WDR12: variants seen among roughly 807,000 people sequenced by gnomAD.
WDR12 encodes the protein WD repeat domain 12, also known as ribosome biogenesis protein WDR12.
Under a neutral mutation model 64.3 loss-of-function variants are expected in WDR12, and 42 were observed. The ratio of observed to expected loss-of-function variants is 0.65; its 90% CI spans 0.51 to 0.84. The LOEUF is 0.84. Ranked by LOEUF, WDR12 falls within the 40% of genes least tolerant of loss-of-function variation. WDR12 has a pLI of 0.00. For missense variants in WDR12, 469 were observed against 494.6 expected (o/e 0.95, Z 0.49); for synonymous variants, 158 against 173.3 (o/e 0.91, Z 0.70).
chr2:202,892,401 T>C (rs925360924), intron 8 of WDR12, among the ~76,000 whole-genome samples: 4 of 152,230 alleles, frequency 2.6e-5, no homozygotes, highest in Admixed American at 6.5e-5. Context: ...ACCATAAGCC[T>C]GGCTCAATGC....
chr2:202,896,335 G>A, intron 5 of WDR12, 116 bp from the exon 6 acceptor site: 1 of 1,176,828 alleles, frequency 8.5e-7, no homozygotes, highest in South Asian at 1.7e-5. Flanking sequence ...ATGTTAAAAA[G>A]ATAACTCATA....
At chr2:202,893,719 G>A (rs949780456) in intron 7 of WDR12, among the ~76,000 whole-genome samples, 6 of 152,226 alleles carry the variant, frequency 3.9e-5, no homozygotes, top group Non-Finnish European at 5.9e-5. Flanking sequence ...GTCTTAAAAT[G>A]TAAGTATCTA....
In WDR12 at chr2:202,896,155, A is replaced by G. The variant is rs1250451878; in HGVS notation, c.519T>C (p.Asn173=). 1.9e-6 allele frequency: 3 copies of G among 1,614,122 alleles called. No individual in the cohort carries two copies. In the Admixed American group the frequency reaches 5.0e-5, roughly 27 times the overall value. ...GGGCTTTCACTTTGTTTCTCTCTACATTCCACTCCCATAAGAGAATAGTCT... is the reference window on the plus strand; with the variant it reads ...GGGCTTTCACTTTGTTTCTCTCTACGTTCCACTCCCATAAGAGAATAGTCT... ...MDQTILLWEW[N]VERNKVKALH... is the part of the protein sequence containing the mutation. Residue 173 remains asparagine (N), a synonymous_variant, in exon 6 of 13, where the codon AAT becomes AAC. Coordinates refer to ENST00000261015, the MANE Select transcript of WDR12 (RefSeq NM_018256.4).
At chr2:202,887,759 G>C (rs1489251242) in intron 8 of WDR12, among the ~76,000 whole-genome samples, 11 of 151,114 alleles carry the variant, frequency 7.3e-5, no homozygotes, top group Admixed American at 5.3e-4. Context: ...GCGGTGGCGG[G>C]CGCCTGTAGT....
At chr2:202,886,767 C>CAAAAAA (rs60735682) in intron 8 of WDR12, among the ~76,000 whole-genome samples, 1 of 79,046 alleles carries the variant, frequency 1.3e-5, no homozygotes, top group African/African-American at 5.7e-5. Context: ...AACTCCATCT[C>CAAAAAA]AAAAAAAAAA....
intron 5 of WDR12, among the ~76,000 whole-genome samples, chr2:202,896,854 G>A (rs1052512436): frequency 2.0e-5 from 3 of 152,084 alleles, no homozygotes; most frequent in African/African-American, 7.2e-5. Context: ...AGGCGTGATG[G>A]TAGGTGCCTG....
intron 5 of WDR12, 82 bp from the exon 6 acceptor site, chr2:202,896,301 AT>A (rs1559161714): frequency 3.5e-6 from 5 of 1,426,266 alleles, no homozygotes; most frequent in Admixed American, 5.3e-5. Flanking sequence ...AAAGAACTAA[AT>A]TTTTTTGTTG....
chr2:202,906,461 G>A (rs989598319), intron 2 of WDR12, among the ~76,000 whole-genome samples: 7 of 152,150 alleles, frequency 4.6e-5, no homozygotes, highest in Non-Finnish European at 8.8e-5. Flanking sequence ...ATTTGAAGAC[G>A]AAGATGGGGA....
intron 7 of WDR12, among the ~76,000 whole-genome samples, chr2:202,892,996 T>G (rs774549719): frequency 6.6e-6 from 1 of 152,156 alleles, no homozygotes; most frequent in African/African-American, 2.4e-5. Context: ...TTATCATAGC[T>G]ATGAAAAATT....
chr2:202,884,542 AG>A lies in WDR12; in HGVS notation c.742-8del, dbSNP rs754755714. 6.2e-7 allele frequency: 1 copy of A among 1,601,020 alleles called. No homozygotes were observed. Among genetic ancestry groups the A allele is most frequent in the South Asian group, 1.1e-5 (1 of 88,060 alleles). ...AGAGGGTCACTATGGGAGTCTAGAAAGGAAGAACCCCAAAAGGGGAAAGTGT... is the reference window on the plus strand; with the variant it reads ...AGAGGGTCACTATGGGAGTCTAGAAAGAAGAACCCCAAAAGGGGAAAGTGT... On this transcript the variant is annotated splice_region_variant and splice_polypyrimidine_tract_variant and intron_variant, in intron 8 of 12. Transcript: ENST00000261015.
intron 12 of WDR12, 87 bp from the exon 13 acceptor site, chr2:202,881,024 T>A (rs910039335): frequency 1.8e-5 from 21 of 1,179,484 alleles, no homozygotes; most frequent in Non-Finnish European, 2.2e-5. Context: ...ATACTAATGA[T>A]TTTCATTACA....
intron 11 of WDR12, 175 bp downstream of exon 11, chr2:202,883,434 C>T: frequency 1.4e-6 from 1 of 737,140 alleles, no homozygotes; most frequent in Non-Finnish European, 2.1e-6. Context: ...CTGTGCCTGG[C>T]CAAAAATTTT....
intron 1 of WDR12, among the ~76,000 whole-genome samples, chr2:202,910,330 A>C (rs1305133330): frequency 6.6e-6 from 1 of 152,096 alleles, no homozygotes; most frequent in Non-Finnish European, 1.5e-5. Context: ...CGAGACCAGC[A>C]TGGCCACCAA....
At chr2:202,881,162 T>C (rs6725887) in intron 12 of WDR12, among the ~76,000 whole-genome samples, 13,506 of 152,252 alleles carry the variant, frequency 0.089, 734 homozygotes, top group Non-Finnish European at 0.12. Context: ...GGTTGAGACA[T>C]AATATGCTGT....
intron 8 of WDR12, among the ~76,000 whole-genome samples, chr2:202,887,637 C>T (rs538948224): frequency 6.6e-6 from 1 of 151,714 alleles, no homozygotes; most frequent in South Asian, 2.1e-4. Context: ...GCCTGTAATC[C>T]CAGCACTTTG....
At chr2:202,910,775 A>G (rs900017819) in intron 1 of WDR12, among the ~76,000 whole-genome samples, 7 of 152,208 alleles carry the variant, frequency 4.6e-5, no homozygotes, top group African/African-American at 7.2e-5. Context: ...CTCTCCTCAT[A>G]AAGCTACAAA....
intron 6 of WDR12, 150 bp downstream of exon 6, chr2:202,895,913 GTA>G: frequency 1.3e-6 from 1 of 778,922 alleles, no homozygotes; most frequent in East Asian, 2.7e-5. Context: ...ATCTCCTATT[GTA>G]TGAGTATTTA....
intron 7 of WDR12, 37 bp from the exon 8 acceptor site, chr2:202,892,739 C>T: frequency 6.8e-7 from 1 of 1,473,740 alleles, no homozygotes; most frequent in Non-Finnish European, 9.5e-7. Flanking sequence ...ATTTTAAAAA[C>T]AGTATTAATC....
intron 4 of WDR12, 142 bp downstream of exon 4, chr2:202,899,389 G>A: frequency 1.5e-6 from 1 of 684,748 alleles, no homozygotes; most frequent in Non-Finnish European, 2.3e-6. Flanking sequence ...CTTTCTGTTT[G>A]CCATGGCCAC....
Sources: allele counts gnomAD v4.1 joint callset (sites outside exome capture counted in the v4.1 genomes callset), GRCh38; gene constraint gnomAD v4.1.1; transcripts MANE v1.5; gene names NCBI Gene and HGNC (gene_info 2026-07-23, HGNC 2026-07-21).